The following GPC4 variants were observed in gnomAD, a reference collection of about 807,000 sequenced individuals.
GPC4 encodes the protein glypican 4.
Under a neutral mutation model 35.0 loss-of-function variants are expected in GPC4, and 10 were observed. The observed-to-expected ratio is 0.29, with a 90% CI of 0.18 to 0.48. The LOEUF is 0.48. GPC4 is among the 20% of genes least tolerant of loss of function. The probability of loss-of-function intolerance (pLI) is 0.99; values close to 1 mark genes in which losing one functional copy is unlikely to be tolerated. For synonymous variants in GPC4, 167 were observed against 170.2 expected, an observed-to-expected ratio of 0.98 and a Z score of 0.15; for missense variants, 322 against 451.3, an observed-to-expected ratio of 0.71 and a Z score of 2.60.
At chrX:133,398,735 T>C (rs1603096837) in intron 1 of GPC4, among the ~76,000 whole-genome samples, 1 of 108,832 alleles carries the variant, frequency 9.2e-6, no homozygotes, top group African/African-American at 3.4e-5. Flanking sequence ...GCCACTGCAC[T>C]TTAGCCTGGG....
chrX:133,303,111 T>G, intron 8 of GPC4, 42 bp from the exon 9 acceptor site: 1 of 1,207,506 alleles, frequency 8.3e-7, no homozygotes, highest in Non-Finnish European at 1.1e-6. Flanking sequence ...ATTCCACTTG[T>G]TCTCATCAGA....
intron 1 of GPC4, among the ~76,000 whole-genome samples, chrX:133,372,812 C>T (rs779581099): frequency 6.2e-5 from 7 of 112,213 alleles, no homozygotes; most frequent in Middle Eastern, 4.2e-3. Context: ...TATTGTTGGA[C>T]AGCATGAAAG....
chrX:133,306,164 G>A lies in GPC4; in HGVS notation c.878-10C>T, dbSNP rs760876801. On this transcript the variant is annotated splice_polypyrimidine_tract_variant and intron_variant, in intron 4 of 8. Transcript: ENST00000370828. ...ACCATCAGCATAGCATCTAATATGA[G>A]GTTTGGGGAAGAACAATACAGCATA... 9.1e-6 allele frequency: 11 copies of A among 1,210,374 alleles called. No homozygotes were observed. In the South Asian group the frequency reaches 1.6e-4, roughly 17 times the overall value.
chrX:133,406,226 C>T (rs1343208107), intron 1 of GPC4, among the ~76,000 whole-genome samples: 1 of 112,451 alleles, frequency 8.9e-6, no homozygotes, highest in Non-Finnish European at 1.9e-5. Context: ...AAAGTATTCT[C>T]ATTGTGCTTG....
At chrX:133,390,796 ACG>A (rs746731860) in intron 1 of GPC4, among the ~76,000 whole-genome samples, 2 of 111,520 alleles carry the variant, frequency 1.8e-5, no homozygotes, top group Non-Finnish European at 3.8e-5. Flanking sequence ...ATCAAGTTTA[ACG>A]CCCTCCTTTC....
intron 1 of GPC4, among the ~76,000 whole-genome samples, chrX:133,389,031 A>G (rs2124172409): frequency 1.0e-5 from 1 of 98,240 alleles, no homozygotes; most frequent in African/African-American, 3.9e-5. Context: ...ATCTGAGCTC[A>G]CTGCCACCTC....
intron 2 of GPC4, among the ~76,000 whole-genome samples, chrX:133,330,701 AC>A (rs908493470): frequency 7.3e-5 from 8 of 110,309 alleles, no homozygotes; most frequent in African/African-American, 2.6e-4. Context: ...TAATCCCAAA[AC>A]TTTAGGAGCC....
rs929058980 is a variant in GPC4 at position 133,395,062 on chromosome X, G to A, written c.160+19744C>T. On this transcript the variant is annotated intron_variant, in intron 1 of 8. Coordinates refer to ENST00000370828, the MANE Select transcript of GPC4 (RefSeq NM_001448.3). ...GTTCCTATTTTACCCCCAGCTACCC[G>A]CAAGCCCACAGTTCATTCACTGTAA... Among the ~76,000 whole-genome samples, 10 of 111,137 alleles carry A rather than the reference G, an allele frequency of 9.0e-5. No individual in the cohort carries two copies. In the East Asian group the frequency reaches 2.0e-3, roughly 22 times the overall value.
chrX:133,331,952 T>G (rs1296126750), intron 2 of GPC4, among the ~76,000 whole-genome samples: 1 of 111,041 alleles, frequency 9.0e-6, no homozygotes, highest in Non-Finnish European at 1.9e-5. Flanking sequence ...CAGTGACATT[T>G]TATAATCAGA....
At chrX:133,332,181 T>C (rs776280076) in intron 2 of GPC4, among the ~76,000 whole-genome samples, 21 of 111,825 alleles carry the variant, frequency 1.9e-4, no homozygotes, top group African/African-American at 6.8e-4. Context: ...TAAATAGTAT[T>C]CCTCATTATA....
intron 1 of GPC4, among the ~76,000 whole-genome samples, chrX:133,383,628 T>C (rs1212322955): frequency 2.7e-5 from 3 of 111,159 alleles, no homozygotes; most frequent in Non-Finnish European, 5.7e-5. Flanking sequence ...GGCGGATCTC[T>C]TGAGGCCAGG....
chrX:133,334,463 G>A (rs1436180071), intron 2 of GPC4, among the ~76,000 whole-genome samples: 1 of 111,869 alleles, frequency 8.9e-6, no homozygotes, highest in Non-Finnish European at 1.9e-5. Flanking sequence ...CAAAGACCTG[G>A]TGAAAGTAGC....
chrX:133,361,495 C>T (rs898716059), intron 1 of GPC4, among the ~76,000 whole-genome samples: 1 of 110,648 alleles, frequency 9.0e-6, no homozygotes, highest in Non-Finnish European at 1.9e-5. Context: ...CTGCTAAATA[C>T]ACTTCACACC....
At chrX:133,398,675 G>C (rs187555299) in intron 1 of GPC4, among the ~76,000 whole-genome samples, 2 of 109,865 alleles carry the variant, frequency 1.8e-5, no homozygotes, top group Non-Finnish European at 3.8e-5. Flanking sequence ...GGCTGAGGCA[G>C]GAGAATCACT....
chrX:133,330,218 A>AT (rs1191668783), intron 2 of GPC4, among the ~76,000 whole-genome samples: 2 of 111,366 alleles, frequency 1.8e-5, no homozygotes, highest in Admixed American at 9.6e-5. Context: ...TAAATGCTGT[A>AT]TTTCATACCC....
At chrX:133,312,876 T>G (rs934802163) in intron 3 of GPC4, among the ~76,000 whole-genome samples, 44 of 111,174 alleles carry the variant, frequency 4.0e-4, no homozygotes, top group African/African-American at 1.4e-3. Flanking sequence ...AGTGAAATTA[T>G]TTGGGGTGTA....
intron 1 of GPC4, among the ~76,000 whole-genome samples, chrX:133,401,070 C>T (rs941265173): frequency 5.4e-5 from 6 of 111,115 alleles, no homozygotes; most frequent in Admixed American, 9.6e-5. Flanking sequence ...AGTGCAAAGG[C>T]CCCTGAACGT....
chrX:133,347,257 T>TG (rs2068496739), intron 1 of GPC4, among the ~76,000 whole-genome samples: 14 of 88,860 alleles, frequency 1.6e-4, no homozygotes, highest in Non-Finnish European at 2.4e-4. Context: ...AGTTTTTTTT[T>TG]TTTTTTTTTT....
At chrX:133,316,732 G>T (rs976863366) in intron 3 of GPC4, among the ~76,000 whole-genome samples, 1 of 111,360 alleles carries the variant, frequency 9.0e-6, no homozygotes, top group African/African-American at 3.3e-5. Context: ...TCAAGGTGCC[G>T]CAGGTGAGAA....
Sources: gnomAD v4.1 joint callset for allele counts (sites outside exome capture counted in the v4.1 genomes callset) on GRCh38, gnomAD v4.1.1 for gene constraint, MANE v1.5 for transcripts, NCBI Gene and HGNC (gene_info 2026-07-23, HGNC 2026-07-21) for gene names.